TTBK2: variants seen among roughly 807,000 people sequenced by gnomAD.
The protein encoded by TTBK2 is tau-tubulin kinase 2.
Under a neutral mutation model 110.8 loss-of-function variants are expected in TTBK2, and 28 were observed. That is an observed-to-expected ratio of 0.25 (90% CI 0.19 to 0.35). The LOEUF (loss-of-function observed/expected upper bound fraction) is 0.35, where lower values mean the gene tolerates loss of function less well. TTBK2 is among the 10% of genes least tolerant of loss of function. TTBK2 has a pLI of 1.00. For missense variants in TTBK2, 1,369 were observed against 1,500.3 expected, an observed-to-expected ratio of 0.91 and a Z score of 1.45; for synonymous variants, 532 against 527.3, an observed-to-expected ratio of 1.01 and a Z score of -0.12.
chr15:42,855,725 C>T (rs1223873557), intron 3 of TTBK2, among the ~76,000 whole-genome samples: 2 of 152,194 alleles, frequency 1.3e-5, no homozygotes, highest in African/African-American at 2.4e-5. Flanking sequence ...CTTGCTGTCG[C>T]CCAGGCTGGA....
At chr15:42,759,228 C>T (rs1325259857) in intron 13 of TTBK2, among the ~76,000 whole-genome samples, 1 of 152,224 alleles carries the variant, frequency 6.6e-6, no homozygotes, top group East Asian at 1.9e-4. Flanking sequence ...GTCTGGCAGT[C>T]CCACACAGGG....
chr15:42,802,715 C>T (rs964024968), intron 9 of TTBK2, among the ~76,000 whole-genome samples: 2 of 152,156 alleles, frequency 1.3e-5, no homozygotes, highest in African/African-American at 4.8e-5. Context: ...AAGCATCATA[C>T]AGTGTACTGT....
intron 3 of TTBK2, among the ~76,000 whole-genome samples, chr15:42,866,922 AT>A (rs1367107212): frequency 6.6e-6 from 1 of 152,200 alleles, no homozygotes; most frequent in Non-Finnish European, 1.5e-5. Flanking sequence ...TTGAAGGGGA[AT>A]TTATAGCACT....
At chr15:42,861,674 C>G (rs1894163041) in intron 3 of TTBK2, among the ~76,000 whole-genome samples, 1 of 150,490 alleles carries the variant, frequency 6.6e-6, no homozygotes, top group Admixed American at 6.6e-5. Context: ...TAATATCTTG[C>G]ATAGAATAGA....
Position 42,800,813 on chromosome 15 carries a change from G to T in TTBK2, c.823-6012C>A, listed in dbSNP as rs147893729. Among the ~76,000 whole-genome samples the T allele has an allele frequency of 5.5e-3, 839 of 152,216 alleles. 16 individuals carry two copies. Among genetic ancestry groups the T allele is most frequent in the African/African-American group, 0.019 (799 of 41,540 alleles). On this transcript the variant is annotated intron_variant, in intron 9 of 14. Transcript: ENST00000267890. ...TTTCATAGCTGGAGGCATGGGCAAG[G>T]GGGGGTCCCCAGGTAGTAAACTCCC...
At chr15:42,862,869 C>A (rs775099861) in intron 3 of TTBK2, among the ~76,000 whole-genome samples, 2 of 152,100 alleles carry the variant, frequency 1.3e-5, no homozygotes, top group Admixed American at 6.6e-5. Context: ...GCCTGGGCAA[C>A]AGGAGCAAAA....
intron 3 of TTBK2, among the ~76,000 whole-genome samples, chr15:42,863,407 T>C (rs1226749666): frequency 6.6e-6 from 1 of 152,044 alleles, no homozygotes; most frequent in Non-Finnish European, 1.5e-5. Flanking sequence ...CTATAAAACA[T>C]TGCTGAAAGA....
intron 3 of TTBK2, among the ~76,000 whole-genome samples, chr15:42,862,517 T>A (rs969943468): frequency 4.6e-5 from 7 of 151,882 alleles, no homozygotes; most frequent in Admixed American, 3.9e-4. Flanking sequence ...GCAAAAAAAA[T>A]TTTTCAATAA....
At chr15:42,760,529 T>A (rs183025103) in intron 13 of TTBK2, among the ~76,000 whole-genome samples, 2 of 152,154 alleles carry the variant, frequency 1.3e-5, no homozygotes, top group African/African-American at 2.4e-5. Flanking sequence ...AAAAATAAAA[T>A]TTTTTAATGA....
intron 6 of TTBK2, among the ~76,000 whole-genome samples, chr15:42,824,308 C>G (rs1163317565): frequency 6.6e-6 from 1 of 152,132 alleles, no homozygotes; most frequent in African/African-American, 2.4e-5. Context: ...TACCACCCCT[C>G]CCCCACCAAA....
At chr15:42,885,104 C>T (rs1356006182) in intron 1 of TTBK2, among the ~76,000 whole-genome samples, 4 of 152,210 alleles carry the variant, frequency 2.6e-5, no homozygotes, top group African/African-American at 4.8e-5. Flanking sequence ...GGGCTCAGCC[C>T]ACCTGCACCT....
intron 1 of TTBK2, among the ~76,000 whole-genome samples, chr15:42,893,546 G>A (rs1895547619): frequency 6.6e-6 from 1 of 151,090 alleles, no homozygotes; most frequent in African/African-American, 2.4e-5. Flanking sequence ...AAGCACGGAA[G>A]TTTCAAATTA....
At chr15:42,748,311 G>T (rs535509476) in intron 14 of TTBK2, among the ~76,000 whole-genome samples, 2 of 152,168 alleles carry the variant, frequency 1.3e-5, no homozygotes, top group East Asian at 3.9e-4. Context: ...CAAAAAATTA[G>T]CTGGGTGTGG....
intron 1 of TTBK2, among the ~76,000 whole-genome samples, chr15:42,903,889 G>A (rs1235742946): frequency 1.3e-5 from 2 of 152,116 alleles, no homozygotes; most frequent in South Asian, 2.1e-4. Context: ...CTGATTAAGC[G>A]AGCTGCCATA....
At chr15:42,778,316 G>T (rs983482119) in intron 11 of TTBK2, among the ~76,000 whole-genome samples, 6 of 146,992 alleles carry the variant, frequency 4.1e-5, no homozygotes, top group Non-Finnish European at 7.5e-5. Context: ...AAAAAAGGTT[G>T]AAATTATTAA....
intron 3 of TTBK2, among the ~76,000 whole-genome samples, chr15:42,855,383 A>G (rs1476944448): frequency 2.6e-5 from 4 of 152,206 alleles, no homozygotes; most frequent in African/African-American, 7.2e-5. Context: ...CAGAGTTACT[A>G]GGAGAAACAA....
At position 42,753,167 on chromosome 15, in the gene TTBK2, T is replaced by C. The variant is rs1595877920; in HGVS notation, c.2079A>G (p.Lys693=). ...SFHCGQQPEK[K]DLQPMEPTVE... ...CAGTGGGCTCCATGGGCTGAAGATC[T>C]TTCTTCTCTGGCTGCTGACCACAGT... Residue 693 remains lysine, a synonymous_variant, in exon 14 of 15, where the codon AAA becomes AAG. Transcript: ENST00000267890. The C allele has an allele frequency of 6.2e-7, 1 of 1,605,684 alleles. No individual in the cohort carries two copies.
intron 13 of TTBK2, among the ~76,000 whole-genome samples, chr15:42,755,953 TG>T (rs1295238308): frequency 6.6e-6 from 1 of 152,142 alleles, no homozygotes; most frequent in African/African-American, 2.4e-5. Flanking sequence ...CCCAGCGCTC[TG>T]GGGGGCCGAG....
At position 42,899,638 on chromosome 15, in the gene TTBK2, G is replaced by A. The variant is rs542360847; in HGVS notation, c.-68+20800C>T. Among the ~76,000 whole-genome samples the A allele has an allele frequency of 2.6e-5, 4 of 152,212 alleles. 1 individual carries two copies. The East Asian group carries it at 7.8e-4, about 30-fold the overall frequency. On this transcript the variant is annotated intron_variant, in intron 1 of 14. Coordinates refer to ENST00000267890, the MANE Select transcript of TTBK2 (RefSeq NM_173500.4). ...GCCTGTAATCCCAGCTACCTGGGAG[G>A]CTGAGGCAGGGGAATCACTTGAACC... is the stretch of plus-strand genomic sequence containing the variant.
Sources: allele counts gnomAD v4.1 joint callset (sites outside exome capture counted in the v4.1 genomes callset), GRCh38; gene constraint gnomAD v4.1.1; transcripts MANE v1.5; gene names NCBI Gene and HGNC (gene_info 2026-07-23, HGNC 2026-07-21).